Variants in PRKCQ observed in about 807,000 individuals in gnomAD.
The protein encoded by PRKCQ is protein kinase C theta type.
Under a neutral mutation model 91.2 loss-of-function variants are expected in PRKCQ, and 41 were observed. That is an observed-to-expected ratio of 0.45 (90% CI 0.35 to 0.58). The LOEUF is 0.58. Ranked by LOEUF, PRKCQ falls within the 20% of genes least tolerant of loss-of-function variation. The pLI, the probability that PRKCQ is intolerant of heterozygous loss-of-function variation, is 0.00. For synonymous variants in PRKCQ, 307 were observed against 316.9 expected (o/e 0.97, Z 0.33); for missense variants, 673 against 896.5 (o/e 0.75, Z 3.18).
At chr10:6,459,472 GC>G (rs1477641243) in intron 14 of PRKCQ, among the ~76,000 whole-genome samples, 2 of 152,252 alleles carry the variant, frequency 1.3e-5, no homozygotes, top group East Asian at 3.9e-4. Context: ...TGGAATGGTG[GC>G]CCCCAGAAGA....
chr10:6,409,100 G>C, the PRKCQ span, among the ~76,000 whole-genome samples: 1 of 152,180 alleles, frequency 6.6e-6, no homozygotes, highest in Non-Finnish European at 1.5e-5. Context: ...CAGTGAGAGA[G>C]AGGGGAAAGG....
the PRKCQ span, among the ~76,000 whole-genome samples, chr10:6,394,470 A>G: frequency 6.6e-6 from 1 of 152,256 alleles, no homozygotes; most frequent in Non-Finnish European, 1.5e-5. Context: ...GAGACCAAAA[A>G]GCAAAACATA....
intron 15 of PRKCQ, among the ~76,000 whole-genome samples, chr10:6,455,939 G>T (rs1397684751): frequency 6.6e-6 from 1 of 152,162 alleles, no homozygotes; most frequent in Non-Finnish European, 1.5e-5. Flanking sequence ...AGTCATGCAG[G>T]GAGATTTGAA....
intron 15 of PRKCQ, among the ~76,000 whole-genome samples, chr10:6,448,421 T>C (rs1446771590): frequency 6.6e-6 from 1 of 151,642 alleles, no homozygotes; most frequent in Non-Finnish European, 1.5e-5. Context: ...CTTAATTTTT[T>C]TTTTTTGAGT....
At position 6,427,816 on chromosome 10, in the gene PRKCQ, C is replaced by T. The variant is rs1057286179; in HGVS notation, c.*391G>A. ...CAATGGGGCCGTTTCAGTCTTGAGA[C>T]GTCTGTACTCCGTTTGCCCCTGATT... On this transcript the variant is annotated 3_prime_UTR_variant, in exon 18 of 18. Transcript: ENST00000263125. 4.5e-6 allele frequency: 1 copy of T among 224,426 alleles called. No individual in the cohort carries two copies. Among genetic ancestry groups the T allele is most frequent in the South Asian group, 5.8e-5 (1 of 17,366 alleles). The allele number at this position is 224,426 out of a possible 1,614,324, so 13.9% of individuals were successfully genotyped here.
At chr10:6,527,080 C>A (rs1216614560) in intron 1 of PRKCQ, among the ~76,000 whole-genome samples, 1 of 152,178 alleles carries the variant, frequency 6.6e-6, no homozygotes, top group Non-Finnish European at 1.5e-5. Flanking sequence ...TCCCCATTCA[C>A]AAGATGGGAG....
chr10:6,511,316 C>T (rs1838466280), intron 2 of PRKCQ, 122 bp from the exon 3 acceptor site: 2 of 883,840 alleles, frequency 2.3e-6, no homozygotes, highest in Non-Finnish European at 3.6e-6. Context: ...GTTGGGAAGA[C>T]AAAAGTAGCA....
At chr10:6,413,022 G>A in the PRKCQ span, among the ~76,000 whole-genome samples, 3 of 151,912 alleles carry the variant, frequency 2.0e-5, no homozygotes, top group Non-Finnish European at 4.4e-5. Context: ...GCTCCATCTC[G>A]GCTCACTGCA....
At chr10:6,531,183 G>A (rs1839380287) in intron 1 of PRKCQ, among the ~76,000 whole-genome samples, 1 of 151,760 alleles carries the variant, frequency 6.6e-6, no homozygotes, top group Admixed American at 6.6e-5. Context: ...TGGAGCTTTA[G>A]CAAGGCCGCC....
intron 12 of PRKCQ, among the ~76,000 whole-genome samples, chr10:6,471,733 G>C (rs1201164255): frequency 6.6e-6 from 1 of 152,176 alleles, no homozygotes; most frequent in African/African-American, 2.4e-5. Flanking sequence ...CTGGGCGACA[G>C]AGTGAGACTC....
At chr10:6,432,441 T>G (rs1303994615) in intron 16 of PRKCQ, among the ~76,000 whole-genome samples, 1 of 152,188 alleles carries the variant, frequency 6.6e-6, no homozygotes, top group Non-Finnish European at 1.5e-5. Flanking sequence ...GTTTGTGCAA[T>G]CACCCGGTGT....
In PRKCQ at chr10:6,428,105, G is replaced by GTTTC; in HGVS notation, c.*98_*101dup. ...CGGGTCTCAGTCTTTATTGTTGAGT[G>GTTTC]TTTCTTTCTTTTTCCAAGTTGAAAA... On this transcript the variant is annotated 3_prime_UTR_variant, in exon 18 of 18. Transcript: ENST00000263125. 6.8e-7 allele frequency: 1 copy of GTTTC among 1,465,300 alleles called. No individual in the cohort carries two copies. The highest frequency in any genetic ancestry group is 9.4e-7 in the Non-Finnish European group (1 of 1,059,830). 90.8% of individuals were successfully genotyped at this position (1,465,300 alleles called of 1,614,324 possible). A position where few individuals can be genotyped will look rare whatever the true frequency, so the allele number is the denominator to read the frequency against.
intron 1 of PRKCQ, among the ~76,000 whole-genome samples, chr10:6,577,931 A>T (rs1841306418): frequency 6.6e-6 from 1 of 152,374 alleles, no homozygotes; most frequent in East Asian, 1.9e-4. Context: ...CTTGAAAGAA[A>T]ATTCTGGACC....
chr10:6,404,643 T>C, the PRKCQ span, among the ~76,000 whole-genome samples: 2 of 149,246 alleles, frequency 1.3e-5, no homozygotes, highest in Admixed American at 6.6e-5. Context: ...TTCCTTCCTT[T>C]CTTTCCTTTT....
At chr10:6,510,403 A>G (rs1421236324) in intron 3 of PRKCQ, among the ~76,000 whole-genome samples, 2 of 152,234 alleles carry the variant, frequency 1.3e-5, no homozygotes, top group East Asian at 3.8e-4. Context: ...AGGAATTGTC[A>G]AAGTATAGAG....
chr10:6,432,443 AC>A (rs1354755560), intron 16 of PRKCQ, among the ~76,000 whole-genome samples: 2 of 152,030 alleles, frequency 1.3e-5, no homozygotes, highest in Non-Finnish European at 2.9e-5. Flanking sequence ...TTGTGCAATC[AC>A]CCGGTGTATC....
At chr10:6,402,032 C>G in the PRKCQ span, among the ~76,000 whole-genome samples, 2 of 152,076 alleles carry the variant, frequency 1.3e-5, no homozygotes, top group African/African-American at 4.8e-5. Flanking sequence ...CGGCTGGGAA[C>G]TATTGGAAGA....
chr10:6,409,936 T>C, the PRKCQ span, among the ~76,000 whole-genome samples: 5 of 152,330 alleles, frequency 3.3e-5, no homozygotes, highest in African/African-American at 9.6e-5. Flanking sequence ...TGGTGAAATG[T>C]GTTAAAAAGC....
At chr10:6,539,680 C>T (rs984695262) in intron 1 of PRKCQ, among the ~76,000 whole-genome samples, 2 of 152,108 alleles carry the variant, frequency 1.3e-5, no homozygotes, top group Admixed American at 6.6e-5. Flanking sequence ...TGAAACCATT[C>T]CCCACCCCAG....
Sources: allele counts gnomAD v4.1 joint callset (sites outside exome capture counted in the v4.1 genomes callset), GRCh38; gene constraint gnomAD v4.1.1; transcripts MANE v1.5; gene names NCBI Gene and HGNC (gene_info 2026-07-23, HGNC 2026-07-21).